ZNF320: variants seen among roughly 807,000 people sequenced by gnomAD.
The protein encoded by ZNF320 is zinc finger protein 320, also known as zinc finger gene 320.
Under a neutral mutation model 6.8 loss-of-function variants are expected in ZNF320, and 2 were observed. The ratio of observed to expected loss-of-function variants is 0.29; its 90% CI spans 0.12 to 0.93. The LOEUF is 0.93. Among genes scored for constraint, ZNF320 ranks in the 40% least tolerant of loss-of-function variants. The pLI is 0.55. For synonymous variants in ZNF320, 208 were observed against 203.2 expected (o/e 1.02, Z -0.20); for missense variants, 472 against 611.0 (o/e 0.77, Z 2.40).
At chr19:52,875,194 T>C (rs1243068849), downstream of ZNF320, among the ~76,000 whole-genome samples, 4 of 152,182 alleles carry the variant, frequency 2.6e-5, no homozygotes, top group Non-Finnish European at 5.9e-5. Flanking sequence ...CTTCCAGAAA[T>C]ACACTGTCAC....
chr19:52,883,029 TA>T (rs903202698), intron 5 of ZNF320, among the ~76,000 whole-genome samples: 12 of 150,932 alleles, frequency 8.0e-5, no homozygotes, highest in African/African-American at 9.7e-5. Flanking sequence ...TGTTGTAACT[TA>T]AAAAAAAAAT....
intron 5 of ZNF320, among the ~76,000 whole-genome samples, chr19:52,864,381 AAT>A (rs1649733489): frequency 6.6e-6 from 1 of 152,196 alleles, no homozygotes; most frequent in African/African-American, 2.4e-5. Flanking sequence ...ATAAAAACTA[AAT>A]ATAGTGTTTT....
At chr19:52,896,983 C>T (rs546993782) in intron 1 of ZNF320, among the ~76,000 whole-genome samples, 1 of 152,326 alleles carries the variant, frequency 6.6e-6, no homozygotes, top group East Asian at 1.9e-4. Context: ...GCCAATTCAC[C>T]TCAGCATTTC....
chr19:52,881,633 C>T lies in ZNF320; in HGVS notation c.493G>A (p.Glu165Lys). Residue 165 changes from glutamate to lysine, a missense_variant, in exon 6 of 6, where the codon GAA becomes AAA. By Grantham distance (56) the Glu-to-Lys change is moderately conservative. Coordinates refer to ENST00000682928, the MANE Select transcript of ZNF320 (RefSeq NM_001351774.2). ...TTGCAACTGAAAACTTTCTCACATT[C>T]TTCACATTTGTAAGGTTTCTCTCCA... ...HTGEKPYKCE[E>K]CEKVFSCKSH... 7 of 1,614,002 alleles carry T rather than the reference C, an allele frequency of 4.3e-6. No individual in the cohort carries two copies. Among genetic ancestry groups the T allele is most frequent in the Non-Finnish European group, 5.9e-6 (7 of 1,179,944 alleles).
intron 1 of ZNF320, chr19:52,895,819 T>A (rs1458845736): frequency 6.6e-6 from 1 of 151,430 alleles, no homozygotes; most frequent in Non-Finnish European, 1.5e-5. Context: ...CAAAAAAAAG[T>A]AAGAAAGAAA....
rs3810115 is a variant in ZNF320 at position 52,897,507 on chromosome 19, C to A, written c.-270+13G>T. On this transcript the variant is annotated intron_variant, in intron 1 of 5. Transcript: ENST00000682928. ...GGGCCACTTTAAACTCGAAGGGACT[C>A]ACGGACTCTCACCCGGACGTCTCAA... The A allele has an allele frequency of 0.47, 71,212 of 152,066 alleles. 16,976 individuals carry two copies. Among genetic ancestry groups the A allele is most frequent in the Non-Finnish European group, 0.48 (32,824 of 67,996 alleles). 9.4% of individuals were successfully genotyped at this position (152,066 alleles called of 1,614,324 possible). A position where few individuals can be genotyped will look rare whatever the true frequency, so the allele number is the denominator to read the frequency against.
At chr19:52,873,235 C>T (rs951097173), downstream of ZNF320, among the ~76,000 whole-genome samples, 7 of 152,230 alleles carry the variant, frequency 4.6e-5, no homozygotes, top group African/African-American at 1.7e-4. Context: ...AGGTCTTTCC[C>T]TTCCCATAAG....
intron 5 of ZNF320, among the ~76,000 whole-genome samples, chr19:52,886,571 T>A (rs2064085810): frequency 6.6e-6 from 1 of 152,332 alleles, no homozygotes; most frequent in African/African-American, 2.4e-5. Flanking sequence ...CTAATGTGGT[T>A]GTTATATTCA....
Position 52,867,185 on chromosome 19 carries a change from A to C in ZNF320, c.224-3026T>G, listed in dbSNP as rs1469450. Among the ~76,000 whole-genome samples the C allele has an allele frequency of 5.3e-3, 803 of 150,952 alleles. 9 individuals carry two copies. The highest frequency in any genetic ancestry group is 0.017 in the African/African-American group (685 of 41,026). ...TTTGGATTTAATTAATTAATTAATT[A>C]ATTAATTTATTTATTTATGTATTTA... On this transcript the variant is annotated intron_variant, in intron 5 of 5. Transcript: ENST00000673631.
At chr19:52,900,832 T>C (rs1205820030), upstream of ZNF320, among the ~76,000 whole-genome samples, 1 of 152,130 alleles carries the variant, frequency 6.6e-6, no homozygotes, top group Non-Finnish European at 1.5e-5. Flanking sequence ...ATTATTTTTA[T>C]CTTCTTTTTA....
At chr19:52,889,481 GA>G (rs1297544919) in intron 4 of ZNF320, among the ~76,000 whole-genome samples, 1 of 151,966 alleles carries the variant, frequency 6.6e-6, no homozygotes, top group Non-Finnish European at 1.5e-5. Flanking sequence ...GTTATAGGTG[GA>G]ATAAGAATAT....
In ZNF320 at chr19:52,870,269, A is replaced by G. The variant is rs866805371; in HGVS notation, c.223+3723T>C. ...GCCGAGGTGGATGGATCACGAGGTC[A>G]GGAGATCAAGACCATCCTGGCTAAC... On this transcript the variant is annotated intron_variant, in intron 5 of 5. Coordinates refer to the ZNF320 transcript ENST00000673631. Among the ~76,000 whole-genome samples, 5 of 151,706 alleles carry G rather than the reference A, an allele frequency of 3.3e-5. No homozygotes were observed. In the South Asian group the frequency reaches 6.3e-4, roughly 19 times the overall value.
At chr19:52,887,271 C>T (rs908143261) in intron 5 of ZNF320, among the ~76,000 whole-genome samples, 11 of 152,084 alleles carry the variant, frequency 7.2e-5, no homozygotes, top group Non-Finnish European at 1.6e-4. Flanking sequence ...ACTTAACTCT[C>T]CACAGTCCAG....
At chr19:52,882,758 T>C (rs918919190) in intron 5 of ZNF320, among the ~76,000 whole-genome samples, 1 of 152,112 alleles carries the variant, frequency 6.6e-6, no homozygotes, top group Non-Finnish European at 1.5e-5. Context: ...CTGGCCAACA[T>C]GGCGAAGCCC....
chr19:52,887,850 G>A (rs2064143491), intron 5 of ZNF320, among the ~76,000 whole-genome samples: 1 of 152,088 alleles, frequency 6.6e-6, no homozygotes. Flanking sequence ...GTCTCCCAAG[G>A]TTCTGGGATG....
chr19:52,862,704 C>T, exon 6 of ZNF320: 1 of 529,274 alleles, frequency 1.9e-6, no homozygotes. Flanking sequence ...TCAGTATGTT[C>T]TGCAAGGAGT....
chr19:52,863,828 C>G (rs1037785333), exon 6 of ZNF320: 1 of 216,588 alleles, frequency 4.6e-6, no homozygotes, highest in Non-Finnish European at 9.3e-6. Context: ...GTCAGGAGTT[C>G]GAGACGAGCC....
intron 3 of ZNF320, 29 bp from the exon 4 acceptor site, chr19:52,890,357 C>A: frequency 6.8e-7 from 1 of 1,478,008 alleles, no homozygotes; most frequent in Non-Finnish European, 9.2e-7. Context: ...TTGTTTATCA[C>A]TGAGAATCAA....
At chr19:52,866,088 ATTTATATATG>A (rs1234386794) in intron 5 of ZNF320, among the ~76,000 whole-genome samples, 2,747 of 75,370 alleles carry the variant, frequency 0.036, 592 homozygotes, top group Non-Finnish European at 0.052. Flanking sequence ...TTATACATAT[ATTTATATATG>A]TATGATTATA....
Sources: gnomAD v4.1 joint callset for allele counts (sites outside exome capture counted in the v4.1 genomes callset) on GRCh38, gnomAD v4.1.1 for gene constraint, MANE v1.5 for transcripts, NCBI Gene and HGNC (gene_info 2026-07-23, HGNC 2026-07-21) for gene names.